The following NRG3 variants were observed in gnomAD, a reference collection of about 807,000 sequenced individuals.
The protein encoded by NRG3 is pro-neuregulin-3, membrane-bound isoform.
Under a neutral mutation model 66.9 loss-of-function variants are expected in NRG3, and 31 were observed. That is an observed-to-expected ratio of 0.46 (90% CI 0.35 to 0.63). The LOEUF is 0.63. NRG3 is among the 20% of genes least tolerant of loss of function. The pLI is 0.00. For synonymous variants in NRG3, 393 were observed against 359.4 expected (o/e 1.09, Z -1.06); for missense variants, 910 against 878.9 (o/e 1.04, Z -0.45).
chr10:82,400,807 T>G (rs1436637906), intron 2 of NRG3, among the ~76,000 whole-genome samples: 1 of 152,068 alleles, frequency 6.6e-6, no homozygotes, highest in Non-Finnish European at 1.5e-5. Flanking sequence ...ACTGCTGAGC[T>G]CAAGCCATCC....
At chr10:81,961,105 A>G (rs1850315931) in intron 1 of NRG3, among the ~76,000 whole-genome samples, 1 of 152,152 alleles carries the variant, frequency 6.6e-6, no homozygotes, top group African/African-American at 2.4e-5. Flanking sequence ...TCTCTTCAGA[A>G]TGCTATAATG....
At chr10:82,409,136 A>G (rs2087850399) in intron 2 of NRG3, among the ~76,000 whole-genome samples, 1 of 152,162 alleles carries the variant, frequency 6.6e-6, no homozygotes, top group Admixed American at 6.6e-5. Flanking sequence ...GGTTAGAATG[A>G]AAATTTTCTG....
At chr10:82,864,811 TTG>T (rs1840545120) in intron 3 of NRG3, among the ~76,000 whole-genome samples, 1 of 152,166 alleles carries the variant, frequency 6.6e-6, no homozygotes, top group Admixed American at 6.5e-5. Context: ...ATCAACCAAA[TTG>T]GTGCCCTGGA....
At chr10:82,887,473 T>C (rs1842823798) in intron 4 of NRG3, among the ~76,000 whole-genome samples, 2 of 152,236 alleles carry the variant, frequency 1.3e-5, no homozygotes, top group South Asian at 4.1e-4. Flanking sequence ...TCAGCATTTA[T>C]AATTGAGTTT....
At chr10:82,345,771 G>A (rs868332921) in intron 1 of NRG3, among the ~76,000 whole-genome samples, 1 of 151,722 alleles carries the variant, frequency 6.6e-6, no homozygotes, top group Non-Finnish European at 1.5e-5. Flanking sequence ...CCTTGAAGAG[G>A]TCCTTCACAT....
intron 1 of NRG3, among the ~76,000 whole-genome samples, chr10:82,035,098 C>T (rs1028636088): frequency 6.6e-6 from 1 of 152,028 alleles, no homozygotes; most frequent in African/African-American, 2.4e-5. Context: ...CCCTGTAGTT[C>T]GAGCAGCTTG....
intron 1 of NRG3, among the ~76,000 whole-genome samples, chr10:82,054,900 T>C (rs1203760599): frequency 1.3e-5 from 2 of 151,876 alleles, no homozygotes; most frequent in Non-Finnish European, 2.9e-5. Flanking sequence ...CTAAGGAGGC[T>C]GAGGCAGGAG....
At chr10:82,979,201 GTTTTA>G in intron 8 of NRG3, 81 bp downstream of exon 8, 1 of 1,403,890 alleles carries the variant, frequency 7.1e-7, no homozygotes, top group Non-Finnish European at 9.8e-7. Flanking sequence ...GTTCCTTGGG[GTTTTA>G]TTCATTGATT....
chr10:82,659,915 G>A (rs566378173), intron 2 of NRG3, among the ~76,000 whole-genome samples: 52 of 151,974 alleles, frequency 3.4e-4, no homozygotes, highest in Non-Finnish European at 4.1e-4. Flanking sequence ...TAAAGTGACG[G>A]CCGGGTGCAA....
In NRG3 at chr10:82,211,537, C is replaced by T. The variant is rs201181449; in HGVS notation, c.824-147202C>T. The stretch of plus-strand genomic sequence containing the variant: ...GCAATCCCTCCAGAGGCTGAATAAG[C>T]GTGCACAGGATGAACTCACAGATAG... On this transcript the variant is annotated intron_variant, in intron 1 of 8. Transcript: ENST00000372141. Among the ~76,000 whole-genome samples, 46 of 152,168 alleles carry T rather than the reference C, an allele frequency of 3.0e-4. 1 individual carries two copies. Among genetic ancestry groups the T allele is most frequent in the East Asian group, 2.9e-3 (15 of 5,156 alleles).
intron 1 of NRG3, among the ~76,000 whole-genome samples, chr10:82,112,841 A>T (rs964103743): frequency 5.3e-5 from 8 of 152,084 alleles, no homozygotes; most frequent in Non-Finnish European, 1.2e-4. Flanking sequence ...GTGATATCAC[A>T]GCCTCCTGAG....
intron 1 of NRG3, among the ~76,000 whole-genome samples, chr10:82,347,581 G>T (rs891717709): frequency 1.2e-3 from 189 of 151,848 alleles, no homozygotes; most frequent in African/African-American, 4.5e-3. Flanking sequence ...TGTCTATTAG[G>T]TCTGCTTGGT....
chr10:82,198,384 C>T (rs1002317217), intron 1 of NRG3, among the ~76,000 whole-genome samples: 4 of 152,140 alleles, frequency 2.6e-5, no homozygotes, highest in African/African-American at 7.2e-5. Context: ...AAGAGAATCA[C>T]ATTTATATTG....
intron 3 of NRG3, among the ~76,000 whole-genome samples, chr10:82,793,674 G>C (rs1056367877): frequency 6.6e-6 from 1 of 152,148 alleles, no homozygotes; most frequent in African/African-American, 2.4e-5. Context: ...TTTAATGTCT[G>C]TTGTGGGTCC....
rs1564593012 is a variant in NRG3 at position 82,132,450 on chromosome 10, T to TATATATGAG, written c.824-226283_824-226282insGAGATATAT. Among the ~76,000 whole-genome samples, 160 of 135,962 alleles carry TATATATGAG rather than the reference T, an allele frequency of 1.2e-3. 9 individuals carry two copies. Among genetic ancestry groups the TATATATGAG allele is most frequent in the Middle Eastern group, 3.8e-3 (1 of 262 alleles). 89.2% of individuals were successfully genotyped at this position (135,962 alleles called of 152,430 possible). ...GAATGCAGTTTGCTAATATCTTTTA[T>TATATATGAG]ATATATATGATATATATGATATATA... On this transcript the variant is annotated intron_variant, in intron 1 of 8. Coordinates refer to ENST00000372141, the MANE Select transcript of NRG3 (RefSeq NM_001010848.4).
intron 2 of NRG3, among the ~76,000 whole-genome samples, chr10:82,591,003 G>A (rs1289396782): frequency 6.6e-6 from 1 of 152,122 alleles, no homozygotes; most frequent in Non-Finnish European, 1.5e-5. Flanking sequence ...GATAAAAATG[G>A]CCTCAAGACC....
At position 82,196,300 on chromosome 10, in the gene NRG3, G is replaced by A. The variant is rs2074444685; in HGVS notation, c.824-162439G>A. Reference sequence around the variant, plus strand: ...CAGTTTCCTCAGCCTGACATTTGGGGTAGTAACACATTTCTACATTAGAAG... The same window carrying A: ...CAGTTTCCTCAGCCTGACATTTGGGATAGTAACACATTTCTACATTAGAAG... On this transcript the variant is annotated intron_variant, in intron 1 of 8. Coordinates refer to ENST00000372141, the MANE Select transcript of NRG3 (RefSeq NM_001010848.4). Among the ~76,000 whole-genome samples, 3 of 152,156 alleles carry A rather than the reference G, an allele frequency of 2.0e-5. No individual in the cohort carries two copies. In the South Asian group the frequency reaches 6.2e-4, roughly 31 times the overall value.
chr10:82,476,363 C>A (rs749551447), intron 2 of NRG3, among the ~76,000 whole-genome samples: 1 of 152,142 alleles, frequency 6.6e-6, no homozygotes, highest in South Asian at 2.1e-4. Context: ...GGTATATACT[C>A]GAAATAATTG....
rs534762715 is a variant in NRG3 at position 82,508,876 on chromosome 10, C to T, written c.953+150008C>T. Among the ~76,000 whole-genome samples, 7 of 152,280 alleles carry T rather than the reference C, an allele frequency of 4.6e-5. No homozygotes were observed. In the South Asian group the frequency reaches 6.2e-4, roughly 14 times the overall value. ...TCTCCCTGCCTGTGAATTTCACTTT[C>T]GTCCACACTTCAAATGTAGAGTTTA... On this transcript the variant is annotated intron_variant, in intron 2 of 8. Transcript: ENST00000372141.
Sources: allele counts gnomAD v4.1 joint callset (sites outside exome capture counted in the v4.1 genomes callset), GRCh38; gene constraint gnomAD v4.1.1; transcripts MANE v1.5; gene names NCBI Gene and HGNC (gene_info 2026-07-23, HGNC 2026-07-21).